Variants in ZMIZ1 observed in about 807,000 individuals in gnomAD.
The protein encoded by ZMIZ1 is zinc finger MIZ-type containing 1.
A neutral mutation model predicts 113.9 loss-of-function variants in ZMIZ1; 17 were observed. That is an observed-to-expected ratio of 0.15 (90% CI 0.10 to 0.22). The LOEUF (loss-of-function observed/expected upper bound fraction) is 0.22, where lower values mean the gene tolerates loss of function less well. Among genes scored for constraint, ZMIZ1 ranks in the 10% least tolerant of loss-of-function variants. The probability of loss-of-function intolerance (pLI) is 1.00; values close to 1 mark genes in which losing one functional copy is unlikely to be tolerated. For synonymous variants in ZMIZ1, 607 were observed against 603.1 expected (o/e 1.01, Z -0.09); for missense variants, 1,059 against 1,477.8 (o/e 0.72, Z 4.65).
intron 7 of ZMIZ1, among the ~76,000 whole-genome samples, chr10:79,229,187 G>T (rs1313816664): frequency 6.6e-6 from 1 of 152,176 alleles, no homozygotes; most frequent in African/African-American, 2.4e-5. Flanking sequence ...GACAAGGTGC[G>T]GCCCAGGCAA....
intron 8 of ZMIZ1, among the ~76,000 whole-genome samples, chr10:79,281,994 A>G (rs1247795765): frequency 1.3e-5 from 2 of 152,150 alleles, no homozygotes; most frequent in Non-Finnish European, 2.9e-5. Flanking sequence ...CCTTTTTCCC[A>G]TTTAATAGCC....
At chr10:79,166,274 G>C (rs1846344796) in intron 4 of ZMIZ1, among the ~76,000 whole-genome samples, 1 of 152,216 alleles carries the variant, frequency 6.6e-6, no homozygotes, top group African/African-American at 2.4e-5. Context: ...CTGTGTCACT[G>C]CTTCTTGTCA....
At chr10:79,075,898 C>G (rs987756414) in intron 1 of ZMIZ1, among the ~76,000 whole-genome samples, 5 of 152,334 alleles carry the variant, frequency 3.3e-5, no homozygotes, top group Non-Finnish European at 7.3e-5. Context: ...TGTCCTCTCT[C>G]CCCGCACCCC....
chr10:79,144,136 C>CAGA (rs988985826), intron 3 of ZMIZ1, among the ~76,000 whole-genome samples: 1 of 152,194 alleles, frequency 6.6e-6, no homozygotes, highest in African/African-American at 2.4e-5. Flanking sequence ...CCTTTAGACT[C>CAGA]ACTTTTCTTT....
chr10:79,265,241 A>ACAGGACCTGAGAAGG (rs1851525589), intron 7 of ZMIZ1, among the ~76,000 whole-genome samples: 1 of 152,140 alleles, frequency 6.6e-6, no homozygotes. Context: ...AGACTGGACC[A>ACAGGACCTGAGAAGG]CAGGACCTGA....
chr10:79,233,721 A>G (rs1397275906), intron 7 of ZMIZ1, among the ~76,000 whole-genome samples: 1 of 151,418 alleles, frequency 6.6e-6, no homozygotes, highest in African/African-American at 2.4e-5. Context: ...CTTCCCTTTC[A>G]AATTCATCAG....
intron 4 of ZMIZ1, among the ~76,000 whole-genome samples, chr10:79,165,958 G>C (rs1564692644): frequency 0.017 from 562 of 32,276 alleles, 4 homozygotes; most frequent in African/African-American, 0.09. Context: ...CTGTGTGTGT[G>C]TGTGTGTGTG....
Position 79,298,574 on chromosome 10 carries a change from C to T in ZMIZ1, c.1660C>T (p.Pro554Ser), listed in dbSNP as rs1422981852. The change falls in exon 15 of 25, where the codon CCC (proline) becomes TCC (serine). Residue 554 changes from proline to serine, a missense_variant. Physicochemically the swap from Pro to Ser is moderately conservative, Grantham distance 74 (BLOSUM62 -1). Coordinates refer to ENST00000334512, the MANE Select transcript of ZMIZ1 (RefSeq NM_020338.4). ...GCCAAATATGAGCGCTCTGCCACCACCCCCAGGTGAGGGCCCTCCCTCCCT... is the reference window on the plus strand; with the variant it reads ...GCCAAATATGAGCGCTCTGCCACCATCCCCAGGTGAGGGCCCTCCCTCCCT... ...IKPNMSALPP[P>S]PANHNDELRL... is the part of the protein sequence containing the mutation. The T allele has an allele frequency of 1.9e-6, 3 of 1,597,012 alleles. No individual in the cohort carries two copies. Among genetic ancestry groups the T allele is most frequent in the Non-Finnish European group, 1.7e-6 (2 of 1,173,846 alleles).
At chr10:79,079,579 A>G (rs1842590971) in intron 1 of ZMIZ1, among the ~76,000 whole-genome samples, 1 of 152,240 alleles carries the variant, frequency 6.6e-6, no homozygotes, top group African/African-American at 2.4e-5. Context: ...CCTGGCAAGG[A>G]AACTGTGACC....
intron 1 of ZMIZ1, among the ~76,000 whole-genome samples, chr10:79,099,410 CT>C (rs1244218715): frequency 6.6e-6 from 1 of 152,212 alleles, no homozygotes; most frequent in African/African-American, 2.4e-5. Flanking sequence ...CCAGGATGTA[CT>C]CCTGGCTGGT....
intron 4 of ZMIZ1, among the ~76,000 whole-genome samples, chr10:79,173,929 G>A (rs889498726): frequency 2.0e-5 from 3 of 152,136 alleles, no homozygotes; most frequent in African/African-American, 2.4e-5. Flanking sequence ...CCAAGGGACC[G>A]AGACCCCTGC....
intron 1 of ZMIZ1, among the ~76,000 whole-genome samples, chr10:79,083,233 A>C (rs1333624742): frequency 1.3e-5 from 2 of 152,210 alleles, no homozygotes; most frequent in Non-Finnish European, 2.9e-5. Flanking sequence ...TGGTCAGGGA[A>C]GGCTTCTCTG....
rs558882420 is a variant in ZMIZ1 at position 79,259,062 on chromosome 10, G to T, written c.281-18119G>T. Reference sequence around the variant, plus strand: ...CGCCCAGCCATGCCTCGCCCCAGCCGCCCGTATTAGTTTAATCAAATGCCC... The same window carrying T: ...CGCCCAGCCATGCCTCGCCCCAGCCTCCCGTATTAGTTTAATCAAATGCCC... On this transcript the variant is annotated intron_variant, in intron 7 of 24. Transcript: ENST00000334512. Among the ~76,000 whole-genome samples the T allele has an allele frequency of 2.0e-5, 3 of 152,252 alleles. No individual in the cohort carries two copies. The East Asian group carries it at 5.8e-4, about 29-fold the overall frequency.
At chr10:79,223,589 C>T (rs911133707) in intron 7 of ZMIZ1, among the ~76,000 whole-genome samples, 10 of 152,234 alleles carry the variant, frequency 6.6e-5, no homozygotes, top group African/African-American at 9.6e-5. Context: ...CCTGTTCACG[C>T]GCTCACCTCC....
At chr10:79,256,105 TCCTC>T (rs1423773343) in intron 7 of ZMIZ1, among the ~76,000 whole-genome samples, 2 of 152,198 alleles carry the variant, frequency 1.3e-5, no homozygotes, top group South Asian at 4.1e-4. Flanking sequence ...CCTGCCACCT[TCCTC>T]CCCATGATTT....
Position 79,298,400 on chromosome 10 carries a change from C to G in ZMIZ1, c.1492-6C>G. 1 of 1,606,246 alleles carries G rather than the reference C, an allele frequency of 6.2e-7. No individual in the cohort carries two copies. Among genetic ancestry groups the G allele is most frequent in the Non-Finnish European group, 8.5e-7 (1 of 1,176,528 alleles). On this transcript the variant is annotated splice_polypyrimidine_tract_variant and splice_region_variant and intron_variant, in intron 14 of 24. Transcript: ENST00000334512. ...TAACTCGTGCGTGTCTTTTCTTTCC[C>G]TCCAGCCTCCCAGGCCGGTTCCTGT... is the stretch of plus-strand genomic sequence containing the variant.
chr10:79,154,887 A>G (rs1408760996), intron 3 of ZMIZ1, among the ~76,000 whole-genome samples: 1 of 152,164 alleles, frequency 6.6e-6, no homozygotes, highest in Non-Finnish European at 1.5e-5. Context: ...CCAAGTCTAC[A>G]CTGGGCAGCA....
rs1315109528 is a variant in ZMIZ1, at chr10:79,292,362, G to C, written c.957+6G>C. ...ATATAAACCAGTATGGACCGGTAAGGGTTCCCACTAATCCTGGTCCAGCCT... is the reference window on the plus strand; with the variant it reads ...ATATAAACCAGTATGGACCGGTAAGCGTTCCCACTAATCCTGGTCCAGCCT... On this transcript the variant is annotated splice_donor_region_variant and intron_variant, in intron 11 of 24. Transcript: ENST00000334512. The C allele has an allele frequency of 1.9e-6, 3 of 1,600,686 alleles. No individual in the cohort carries two copies. Among genetic ancestry groups the C allele is most frequent in the South Asian group, 2.2e-5 (2 of 90,634 alleles).
chr10:79,178,816 C>A (rs931819744), intron 4 of ZMIZ1, among the ~76,000 whole-genome samples: 2 of 152,162 alleles, frequency 1.3e-5, no homozygotes. Context: ...TGCGTGAGTG[C>A]TTTTGGCTTC....
Sources: allele counts gnomAD v4.1 joint callset (sites outside exome capture counted in the v4.1 genomes callset), GRCh38; gene constraint gnomAD v4.1.1; transcripts MANE v1.5; gene names NCBI Gene and HGNC (gene_info 2026-07-23, HGNC 2026-07-21).